TCF4: variants seen among roughly 807,000 people sequenced by gnomAD.
The protein encoded by TCF4 is transcription factor 4.
Under a neutral mutation model 82.1 loss-of-function variants are expected in TCF4, and 3 were observed. That is an observed-to-expected ratio of 0.04 (90% CI 0.02 to 0.09). The LOEUF (loss-of-function observed/expected upper bound fraction) is 0.09. Among genes scored for constraint, TCF4 ranks in the 10% least tolerant of loss-of-function variants. The pLI, the probability that TCF4 is intolerant of heterozygous loss-of-function variation, is 1.00. For synonymous variants in TCF4, 276 were observed against 309.6 expected (o/e 0.89, Z 1.14); for missense variants, 518 against 852.7 (o/e 0.61, Z 4.89).
intron 5 of TCF4, among the ~76,000 whole-genome samples, chr18:55,450,896 C>A (rs915844246): frequency 6.6e-6 from 1 of 152,172 alleles, no homozygotes; most frequent in Non-Finnish European, 1.5e-5. Flanking sequence ...AAACACCACA[C>A]CAGGGTGTTC....
intron 3 of TCF4, among the ~76,000 whole-genome samples, chr18:55,578,301 T>C (rs2097546981): frequency 6.6e-6 from 1 of 152,086 alleles, no homozygotes; most frequent in African/African-American, 2.4e-5. Flanking sequence ...TACCATCGAA[T>C]TGAGTCCAAG....
chr18:55,516,930 T>C (rs1028827849), intron 3 of TCF4, among the ~76,000 whole-genome samples: 3 of 152,162 alleles, frequency 2.0e-5, no homozygotes, highest in African/African-American at 7.2e-5. Context: ...AACATCTGAA[T>C]TATGTTTTAA....
intron 8 of TCF4, among the ~76,000 whole-genome samples, chr18:55,348,611 G>A (rs893436100): frequency 6.6e-6 from 1 of 152,276 alleles, no homozygotes; most frequent in East Asian, 1.9e-4. Flanking sequence ...ATTTTCTAAA[G>A]GGGCCAGTTA....
rs557468591 is a variant in TCF4 at position 55,280,443 on chromosome 18, G to GT, written c.550-788dup. Among the ~76,000 whole-genome samples, 20 of 151,994 alleles carry GT rather than the reference G, an allele frequency of 1.3e-4. No homozygotes were observed. In the East Asian group the frequency reaches 1.5e-3, roughly 12 times the overall value. On this transcript the variant is annotated intron_variant, in intron 8 of 19. Coordinates refer to ENST00000354452, the MANE Select transcript of TCF4 (RefSeq NM_001083962.2). The stretch of plus-strand genomic sequence containing the variant: ...ATAGCCTGTGTATTTTCTTGTTTAT[G>GT]TTTTTTTTAAACAGGACAGCATAGT...
intron 1 of TCF4, among the ~76,000 whole-genome samples, chr18:55,634,506 C>T (rs1380797199): frequency 6.6e-6 from 1 of 151,640 alleles, no homozygotes; most frequent in East Asian, 1.9e-4. Flanking sequence ...AGTTTATGTT[C>T]TTTCCATTTC....
chr18:55,319,197 T>C (rs1282177234), intron 8 of TCF4, among the ~76,000 whole-genome samples: 2 of 152,128 alleles, frequency 1.3e-5, no homozygotes, highest in Non-Finnish European at 2.9e-5. Flanking sequence ...AAACGATAAG[T>C]AAAACTCAAG....
chr18:55,399,880 T>TCTCTCTCTCTCTCTCTCA (rs1283846701), intron 6 of TCF4, among the ~76,000 whole-genome samples: 1 of 63,436 alleles, frequency 1.6e-5, no homozygotes. Context: ...TCTCTCTCTC[T>TCTCTCTCTCTCTCTCTCA]CACACACACA....
At chr18:55,566,976 A>C (rs1474285128) in intron 3 of TCF4, among the ~76,000 whole-genome samples, 1 of 152,222 alleles carries the variant, frequency 6.6e-6, no homozygotes, top group African/African-American at 2.4e-5. Flanking sequence ...GGAAAAGGGT[A>C]GATCTACTAG....
chr18:55,269,570 TTTTGG>T (rs2059905572), intron 11 of TCF4: 2 of 484,560 alleles, frequency 4.1e-6, no homozygotes, highest in African/African-American at 3.9e-5. Flanking sequence ...AACAAGATAG[TTTTGG>T]TCTGTTTGAA....
At chr18:55,373,068 A>C (rs956725418) in intron 6 of TCF4, among the ~76,000 whole-genome samples, 7 of 152,136 alleles carry the variant, frequency 4.6e-5, no homozygotes, top group Admixed American at 2.0e-4. Flanking sequence ...AACTATGTTT[A>C]TTTGGATATT....
At chr18:55,632,085 C>A (rs2097732109) in intron 1 of TCF4, among the ~76,000 whole-genome samples, 1 of 152,188 alleles carries the variant, frequency 6.6e-6, no homozygotes, top group East Asian at 1.9e-4. Context: ...GTGGCCCAGG[C>A]TGGAGTGCAG....
chr18:55,246,102 C>G (rs2145160154), intron 15 of TCF4, among the ~76,000 whole-genome samples: 1 of 152,250 alleles, frequency 6.6e-6, no homozygotes, highest in South Asian at 2.1e-4. Context: ...GTCCCTGTAA[C>G]AGTTCATTTA....
intron 2 of TCF4, among the ~76,000 whole-genome samples, chr18:55,623,752 C>T (rs950931507): frequency 1.3e-5 from 2 of 152,012 alleles, no homozygotes; most frequent in African/African-American, 4.8e-5. Context: ...CTATGTGAGT[C>T]CCATTAGTGT....
intron 8 of TCF4, among the ~76,000 whole-genome samples, chr18:55,308,058 G>A (rs9959381): frequency 0.01 from 1,531 of 152,272 alleles, 26 homozygotes; most frequent in Middle Eastern, 0.037. Flanking sequence ...CACTACCAAC[G>A]CTAACTGGGC....
At chr18:55,547,813 T>C (rs2097219653) in intron 3 of TCF4, among the ~76,000 whole-genome samples, 1 of 152,242 alleles carries the variant, frequency 6.6e-6, no homozygotes, top group Admixed American at 6.5e-5. Context: ...GAAAACAAAC[T>C]GCCATTTTCG....
Position 55,397,205 on chromosome 18 carries a change from A to G in TCF4, c.369+6249T>C, listed in dbSNP as rs1376092919. ...ATTACCAACAGCAGCATAGCTCAAT[A>G]TTCTGTTGGAATGTAATTTGATATA... is the stretch of plus-strand genomic sequence containing the variant. On this transcript the variant is annotated intron_variant, in intron 6 of 19. Transcript: ENST00000354452. Among the ~76,000 whole-genome samples the G allele has an allele frequency of 2.6e-5, 4 of 152,228 alleles. No individual in the cohort carries two copies. The East Asian group carries it at 7.7e-4, about 29-fold the overall frequency.
chr18:55,507,426 G>A lies in TCF4; in HGVS notation c.146-43289C>T, dbSNP rs541643595. Among the ~76,000 whole-genome samples the A allele has an allele frequency of 9.7e-4, 147 of 152,254 alleles. 2 individuals carry two copies. The Middle Eastern group carries it at 0.01, about 11-fold the overall frequency. On this transcript the variant is annotated intron_variant, in intron 3 of 19. Coordinates refer to ENST00000354452, the MANE Select transcript of TCF4 (RefSeq NM_001083962.2). ...CCCGGATGAGATGGCAAAGGACAGT[G>A]CAGATTTCATCAAATGGCGAGCAAT...
chr18:55,552,859 A>G (rs2097272215), intron 3 of TCF4, among the ~76,000 whole-genome samples: 1 of 152,242 alleles, frequency 6.6e-6, no homozygotes, highest in Non-Finnish European at 1.5e-5. Context: ...GAGAGTCATT[A>G]GACATTTAAA....
intron 8 of TCF4, among the ~76,000 whole-genome samples, chr18:55,325,133 A>G (rs532541575): frequency 2.0e-4 from 31 of 152,358 alleles, no homozygotes; most frequent in African/African-American, 7.5e-4. Flanking sequence ...GCATTAAAGA[A>G]TAAGTAAATA....
Sources: allele counts gnomAD v4.1 joint callset (sites outside exome capture counted in the v4.1 genomes callset), GRCh38; gene constraint gnomAD v4.1.1; transcripts MANE v1.5; gene names NCBI Gene and HGNC (gene_info 2026-07-23, HGNC 2026-07-21).